The following GFOD1 variants were observed in gnomAD, a reference collection of about 807,000 sequenced individuals.
The protein encoded by GFOD1 is Gfo/Idh/MocA-like oxidoreductase domain containing 1.
A neutral mutation model predicts 25.4 loss-of-function variants in GFOD1; 9 were observed. The ratio of observed to expected loss-of-function variants is 0.35; its 90% confidence interval spans 0.21 to 0.62. GFOD1 has a LOEUF of 0.62. Ranked by LOEUF, GFOD1 falls within the 20% of genes least tolerant of loss-of-function variation. The pLI, the probability that GFOD1 is intolerant of heterozygous loss-of-function variation, is 0.72. For synonymous variants in GFOD1, 253 were observed against 245.6 expected (o/e 1.03, Z -0.28); for missense variants, 403 against 556.9 (o/e 0.72, Z 2.78).
At chr6:13,378,498 T>C (rs1584613692) in intron 1 of GFOD1, among the ~76,000 whole-genome samples, 1 of 152,236 alleles carries the variant, frequency 6.6e-6, no homozygotes, top group East Asian at 1.9e-4. Flanking sequence ...TGAAGACGAA[T>C]AGCTGGTTGC....
chr6:13,470,713 G>A, intron 1 of GFOD1: 8 of 1,434,248 alleles, frequency 5.6e-6, no homozygotes, highest in South Asian at 1.5e-5. Context: ...ATTCATGTGG[G>A]AGATAAGAAG....
rs114315594 is a variant in GFOD1 at position 13,455,719 on chromosome 6, T to C, written c.253+30919A>G. 5.2e-3 allele frequency among the ~76,000 whole-genome samples: 788 copies of C among 152,236 alleles called. 7 individuals are homozygous for C. The highest frequency in any genetic ancestry group is 0.018 in the African/African-American group (740 of 41,530). ...GCACAGACACCCACACAAAGAGCTC[T>C]ATTAGATCATGACAGGCACAGAAGG... On this transcript the variant is annotated intron_variant, in intron 1 of 1. Transcript: ENST00000379287.
intron 1 of GFOD1, among the ~76,000 whole-genome samples, chr6:13,474,987 A>T (rs1345182752): frequency 6.6e-6 from 1 of 152,234 alleles, no homozygotes; most frequent in Non-Finnish European, 1.5e-5. Context: ...AAAATCAAAA[A>T]TAAGAGGAAG....
At position 13,487,095 on chromosome 6, in the gene GFOD1, A is replaced by G; in HGVS notation, c.-205T>C. 1 of 555,944 alleles carries G rather than the reference A, an allele frequency of 1.8e-6. No homozygotes were observed. The highest frequency in any genetic ancestry group is 3.1e-6 in the Non-Finnish European group (1 of 326,162). The allele number at this position is 555,944 out of a possible 1,614,324, so 34.4% of individuals were successfully genotyped here. On this transcript the variant is annotated 5_prime_UTR_variant, in exon 1 of 2. Coordinates refer to ENST00000379287, the MANE Select transcript of GFOD1 (RefSeq NM_018988.4). This position sits in a 1 kb window ranked among gnomAD's most constrained non-coding sequence, Gnocchi z 4.9. ...AAGCTCGGGGCGCCTCAGAACGGTGACTGCGGCAGTGTCCGCCACGCGGGG... is the reference window on the plus strand; with the variant it reads ...AAGCTCGGGGCGCCTCAGAACGGTGGCTGCGGCAGTGTCCGCCACGCGGGG...
At chr6:13,410,582 GAGAGAGAGAGAGAGA>G (rs2127565977) in intron 1 of GFOD1, among the ~76,000 whole-genome samples, 1 of 28,104 alleles carries the variant, frequency 3.6e-5, no homozygotes, top group East Asian at 1.2e-3. Flanking sequence ...AGAAAGGAGA[GAGAGAGAGAGAGAGA>G]GAGAGAGAGA....
At chr6:13,384,274 T>C (rs1413511288) in intron 1 of GFOD1, among the ~76,000 whole-genome samples, 1 of 152,230 alleles carries the variant, frequency 6.6e-6, no homozygotes, top group Admixed American at 6.5e-5. Context: ...AAAATGTTTT[T>C]ACTCTTTCGA....
In GFOD1 at chr6:13,399,375, A is replaced by G. The variant is rs114161314; in HGVS notation, c.254-33713T>C. 2.1e-3 allele frequency among the ~76,000 whole-genome samples: 313 copies of G among 152,334 alleles called. 1 individual carries two copies. Among genetic ancestry groups the G allele is most frequent in the African/African-American group, 7.1e-3 (297 of 41,560 alleles). On this transcript the variant is annotated intron_variant, in intron 1 of 1. Coordinates refer to ENST00000379287, the MANE Select transcript of GFOD1 (RefSeq NM_018988.4). The stretch of plus-strand genomic sequence containing the variant: ...TAAAGCCCAGCAATTCCACTCCTAG[A>G]AATTTACCAAAGAGAAATGAAAACA...
chr6:13,464,750 C>T (rs1021658822), intron 1 of GFOD1, among the ~76,000 whole-genome samples: 3 of 152,140 alleles, frequency 2.0e-5, no homozygotes, highest in Non-Finnish European at 2.9e-5. Flanking sequence ...GGAGGAATTC[C>T]GCCAGCAGAT....
At chr6:13,391,235 T>C (rs1785600321) in intron 1 of GFOD1, among the ~76,000 whole-genome samples, 1 of 150,796 alleles carries the variant, frequency 6.6e-6, no homozygotes, top group Non-Finnish European at 1.5e-5. Flanking sequence ...TGGCTGGAAT[T>C]ATCTGACGGT....
At chr6:13,436,836 G>T (rs1275670837) in intron 1 of GFOD1, among the ~76,000 whole-genome samples, 3 of 152,134 alleles carry the variant, frequency 2.0e-5, no homozygotes, top group Non-Finnish European at 4.4e-5. Flanking sequence ...CCTATAAAAG[G>T]CTTGGCTAGC....
At chr6:13,455,137 C>T (rs1758166019) in intron 1 of GFOD1, among the ~76,000 whole-genome samples, 1 of 152,156 alleles carries the variant, frequency 6.6e-6, no homozygotes, top group African/African-American at 2.4e-5. Context: ...CACACACGCA[C>T]ACACACTGGC....
chr6:13,454,277 A>G (rs1173698458), intron 1 of GFOD1, among the ~76,000 whole-genome samples: 1 of 152,178 alleles, frequency 6.6e-6, no homozygotes, highest in Non-Finnish European at 1.5e-5. Flanking sequence ...TCCAGAACTG[A>G]AAAAAATTAA....
intron 1 of GFOD1, among the ~76,000 whole-genome samples, chr6:13,464,460 C>T (rs1315620240): frequency 2.6e-5 from 4 of 152,180 alleles, no homozygotes; most frequent in Non-Finnish European, 5.9e-5. Flanking sequence ...ACAAGCTCCT[C>T]CCTGTCCAGC....
chr6:13,395,499 T>A (rs1377607065), intron 1 of GFOD1, among the ~76,000 whole-genome samples: 1 of 152,222 alleles, frequency 6.6e-6, no homozygotes, highest in East Asian at 1.9e-4. Flanking sequence ...TACTGCTGTG[T>A]CATGGGCTGG....
rs1410588815 is a variant in GFOD1, at chr6:13,364,769, G to A, written c.1147C>T (p.Arg383Cys). 12 of 1,613,090 alleles carry A rather than the reference G, an allele frequency of 7.4e-6. No homozygotes were observed. The highest frequency in any genetic ancestry group is 1.0e-5 in the Non-Finnish European group (12 of 1,179,658). ...TAACAGTAGAGGGACATCCTGCTGC[G>A]GCGCATGGCCTCGCTGATCAGGTAG... Reference protein sequence around the residue: ...PAYLISEAMRRSRMSLYC With the variant: ...PAYLISEAMRCSRMSLYC Residue 383 changes from arginine to cysteine, a missense_variant, in exon 2 of 2, where the codon CGC becomes TGC. Coordinates refer to ENST00000379287, the MANE Select transcript of GFOD1 (RefSeq NM_018988.4). This position sits in a 1 kb window ranked among gnomAD's most constrained non-coding sequence, Gnocchi z 4.1.
intron 1 of GFOD1, among the ~76,000 whole-genome samples, chr6:13,397,964 G>T (rs1042402143): frequency 2.6e-5 from 4 of 152,334 alleles, no homozygotes; most frequent in East Asian, 1.9e-4. Flanking sequence ...TCCAAAGTAT[G>T]CATCTTCTTT....
intron 1 of GFOD1, among the ~76,000 whole-genome samples, chr6:13,473,490 C>T (rs150001688): frequency 6.6e-6 from 1 of 152,360 alleles, no homozygotes. Flanking sequence ...CCTTGACTGA[C>T]CCCAGAGCTC....
chr6:13,420,791 C>A (rs1268503039), intron 1 of GFOD1, among the ~76,000 whole-genome samples: 1 of 152,232 alleles, frequency 6.6e-6, no homozygotes, highest in African/African-American at 2.4e-5. Context: ...TACGCCTAGG[C>A]ACCTTCTTCC....
chr6:13,469,005 G>A (rs1019312877), intron 1 of GFOD1, among the ~76,000 whole-genome samples: 11 of 152,176 alleles, frequency 7.2e-5, no homozygotes, highest in Admixed American at 3.9e-4. Flanking sequence ...CAGGTCATTC[G>A]TGGAATTCAA....
Sources: gnomAD v4.1 joint callset for allele counts (sites outside exome capture counted in the v4.1 genomes callset) on GRCh38, gnomAD v4.1.1 for gene constraint, Gnocchi (gnomAD v3.1) non-coding constraint, MANE v1.5 for transcripts, NCBI Gene and HGNC (gene_info 2026-07-23, HGNC 2026-07-21) for gene names.